RUNX2: variants seen among roughly 807,000 people sequenced by gnomAD.
RUNX2 encodes the protein RUNX family transcription factor 2.
In RUNX2, 10 loss-of-function variants were observed where a neutral mutation model predicts 51.7. That is an observed-to-expected ratio of 0.19 (90% CI 0.12 to 0.33). The LOEUF (loss-of-function observed/expected upper bound fraction) is 0.33, where lower values mean the gene tolerates loss of function less well. Among genes scored for constraint, RUNX2 ranks in the 10% least tolerant of loss-of-function variants. The pLI is 1.00. For synonymous variants in RUNX2, 276 were observed against 273.6 expected, an observed-to-expected ratio of 1.01 and a Z score of -0.09; for missense variants, 562 against 691.3, an observed-to-expected ratio of 0.81 and a Z score of 2.10.
At chr6:45,397,682 C>T (rs1395484680) in intron 2 of RUNX2, among the ~76,000 whole-genome samples, 1 of 152,104 alleles carries the variant, frequency 6.6e-6, no homozygotes, top group Non-Finnish European at 1.5e-5. Context: ...TTTACACTTT[C>T]TTTGGCAAAA....
At chr6:45,463,714 C>T (rs796155738) in intron 5 of RUNX2, among the ~76,000 whole-genome samples, 1 of 152,042 alleles carries the variant, frequency 6.6e-6, no homozygotes, top group South Asian at 2.1e-4. Flanking sequence ...AATAGGGTAT[C>T]TCAGTTTATT....
chr6:45,349,020 G>A (rs1251697448), intron 2 of RUNX2, among the ~76,000 whole-genome samples: 1 of 152,114 alleles, frequency 6.6e-6, no homozygotes, highest in Non-Finnish European at 1.5e-5. Flanking sequence ...GAATTTATGA[G>A]TGGAAAGAGG....
At chr6:45,393,112 T>A (rs1008574686) in intron 2 of RUNX2, among the ~76,000 whole-genome samples, 1 of 152,220 alleles carries the variant, frequency 6.6e-6, no homozygotes. Flanking sequence ...TCTTTTTTTC[T>A]CAATTAGAGT....
At chr6:45,477,895 A>C (rs1352666487) in intron 5 of RUNX2, among the ~76,000 whole-genome samples, 1 of 152,110 alleles carries the variant, frequency 6.6e-6, no homozygotes, top group Admixed American at 6.5e-5. Flanking sequence ...ACTTGGTGGC[A>C]CACTGACAAG....
intron 2 of RUNX2, among the ~76,000 whole-genome samples, chr6:45,337,808 C>T (rs891027374): frequency 2.0e-5 from 3 of 151,888 alleles, no homozygotes; most frequent in African/African-American, 4.8e-5. Context: ...ATATTAAATA[C>T]ATATTAAATA....
chr6:45,546,893 G>A lies in RUNX2; in HGVS notation c.1154G>A (p.Ser385Asn). 2 of 1,613,904 alleles carry A rather than the reference G, an allele frequency of 1.2e-6. No homozygotes were observed. The highest frequency in any genetic ancestry group is 2.2e-5 in the South Asian group (2 of 91,050). The change falls in exon 9 of 9, where the codon AGC becomes AAC. Residue 385 changes from serine to asparagine, a missense_variant. Ser to Asn is a conservative substitution (Grantham distance 46, BLOSUM62 1). Coordinates refer to ENST00000647337, the MANE Select transcript of RUNX2 (RefSeq NM_001024630.4). ...QFPSISSLTESRFSNPRMHYP... is the reference protein window; with the variant it reads ...QFPSISSLTENRFSNPRMHYP... Reference sequence around the variant, plus strand: ...CCAAGCATTTCATCCCTCACTGAGAGCCGCTTCTCCAACCCACGAATGCAC... The same window carrying A: ...CCAAGCATTTCATCCCTCACTGAGAACCGCTTCTCCAACCCACGAATGCAC...
chr6:45,369,154 T>A (rs1020101541), intron 2 of RUNX2, among the ~76,000 whole-genome samples: 2 of 152,106 alleles, frequency 1.3e-5, no homozygotes, highest in African/African-American at 4.8e-5. Context: ...TAAACTTATC[T>A]CAAATCAGTC....
chr6:45,509,829 C>T (rs1041373283), intron 6 of RUNX2, among the ~76,000 whole-genome samples: 3 of 152,056 alleles, frequency 2.0e-5, no homozygotes, highest in East Asian at 3.9e-4. Context: ...AGGCAGGGGG[C>T]CCTAGACGGA....
At chr6:45,470,828 G>C (rs528603191) in intron 5 of RUNX2, among the ~76,000 whole-genome samples, 1 of 152,222 alleles carries the variant, frequency 6.6e-6, no homozygotes, top group East Asian at 1.9e-4. Context: ...TCTTATACTT[G>C]TTAGCTCAAG....
chr6:45,374,740 C>A (rs1326435746), intron 2 of RUNX2, among the ~76,000 whole-genome samples: 2 of 152,124 alleles, frequency 1.3e-5, no homozygotes, highest in Non-Finnish European at 2.9e-5. Flanking sequence ...GTCACCCCCA[C>A]CAAAAGATGA....
At chr6:45,542,683 T>G (rs1409409600) in intron 7 of RUNX2, among the ~76,000 whole-genome samples, 1 of 152,238 alleles carries the variant, frequency 6.6e-6, no homozygotes, top group African/African-American at 2.4e-5. Flanking sequence ...AGAGTCAATT[T>G]AAGTATTTTG....
intron 2 of RUNX2, among the ~76,000 whole-genome samples, chr6:45,375,213 T>C (rs1399874072): frequency 8.5e-5 from 13 of 152,064 alleles, no homozygotes; most frequent in Non-Finnish European, 1.5e-5. Flanking sequence ...ATCTCAAAAA[T>C]AATAAAGTAT....
In RUNX2 at chr6:45,413,683, C is replaced by T. The variant is rs146458557; in HGVS notation, c.59-8910C>T. The stretch of plus-strand genomic sequence containing the variant: ...TGACCTTGTGATCCGCCAGCCTTGG[C>T]CTCCCAAAGTACTGGGATTACAGGC... On this transcript the variant is annotated intron_variant, in intron 2 of 8. Coordinates refer to ENST00000647337, the MANE Select transcript of RUNX2 (RefSeq NM_001024630.4). Among the ~76,000 whole-genome samples, 423 of 152,064 alleles carry T rather than the reference C, an allele frequency of 2.8e-3. 2 individuals are homozygous for T. Among genetic ancestry groups the T allele is most frequent in the African/African-American group, 9.3e-3 (386 of 41,492 alleles).
At chr6:45,354,392 A>G (rs1792696718) in intron 2 of RUNX2, among the ~76,000 whole-genome samples, 2 of 152,214 alleles carry the variant, frequency 1.3e-5, no homozygotes, top group Admixed American at 1.3e-4. Context: ...TACTAAGAAC[A>G]TAAAAATTAA....
intron 5 of RUNX2, among the ~76,000 whole-genome samples, chr6:45,467,343 G>A (rs755483309): frequency 6.6e-6 from 1 of 152,064 alleles, no homozygotes; most frequent in Non-Finnish European, 1.5e-5. Context: ...GTGCAGTGGC[G>A]TGATCTCAGC....
intron 2 of RUNX2, among the ~76,000 whole-genome samples, chr6:45,382,692 G>A (rs556636837): frequency 3.9e-5 from 6 of 152,306 alleles, no homozygotes; most frequent in African/African-American, 1.4e-4. Flanking sequence ...ATGGTGAAAG[G>A]CCTTGTGTGC....
intron 6 of RUNX2, among the ~76,000 whole-genome samples, chr6:45,501,109 G>A (rs1800789979): frequency 6.6e-6 from 1 of 152,314 alleles, no homozygotes; most frequent in East Asian, 1.9e-4. Flanking sequence ...TCATGTGACC[G>A]ATAGAGGTCC....
intron 5 of RUNX2, among the ~76,000 whole-genome samples, chr6:45,461,329 C>A (rs1799471095): frequency 6.6e-6 from 1 of 152,164 alleles, no homozygotes; most frequent in Non-Finnish European, 1.5e-5. Flanking sequence ...CCTCTGTCCA[C>A]AGAAGTGCTC....
chr6:45,372,062 C>G (rs956952369), intron 2 of RUNX2: 2 of 957,972 alleles, frequency 2.1e-6, no homozygotes, highest in South Asian at 4.8e-5. Flanking sequence ...AAAAGGCCTC[C>G]ACAATGTGTA....
Sources: gnomAD v4.1 joint callset for allele counts (sites outside exome capture counted in the v4.1 genomes callset) on GRCh38, gnomAD v4.1.1 for gene constraint, MANE v1.5 for transcripts, NCBI Gene and HGNC (gene_info 2026-07-23, HGNC 2026-07-21) for gene names.